The following ZCCHC7 variants were observed in gnomAD, a reference collection of about 807,000 sequenced individuals.
ZCCHC7 encodes the protein zinc finger CCHC domain-containing protein 7.
A neutral mutation model predicts 52.0 loss-of-function variants in ZCCHC7; 35 were observed. The observed-to-expected ratio is 0.67, with a 90% CI of 0.51 to 0.89. ZCCHC7 has a LOEUF of 0.89. Ranked by LOEUF, ZCCHC7 falls within the 40% of genes least tolerant of loss-of-function variation. The pLI is 0.00. For missense variants in ZCCHC7, 574 were observed against 649.1 expected (o/e 0.88, Z 1.26); for synonymous variants, 217 against 221.5 (o/e 0.98, Z 0.18).
At chr9:37,127,430 G>T (rs1176221561) in intron 2 of ZCCHC7, among the ~76,000 whole-genome samples, 1 of 152,124 alleles carries the variant, frequency 6.6e-6, no homozygotes, top group Non-Finnish European at 1.5e-5. Flanking sequence ...AGGATTTTAG[G>T]TACTCCACAG....
chr9:37,134,918 G>T (rs538458087), intron 2 of ZCCHC7, among the ~76,000 whole-genome samples: 3 of 151,870 alleles, frequency 2.0e-5, no homozygotes, highest in African/African-American at 7.3e-5. Context: ...TAGAGATGGG[G>T]GTTTCTCCAT....
chr9:37,356,963 A>C lies in ZCCHC7; in HGVS notation c.1327A>C (p.Asn443His), dbSNP rs765083393. The C allele has an allele frequency of 6.2e-7, 1 of 1,613,900 alleles. No individual in the cohort carries two copies. Among genetic ancestry groups the C allele is most frequent in the South Asian group, 1.1e-5 (1 of 91,062 alleles). Residue 443 changes from asparagine to histidine, a missense_variant, in exon 9 of 9, where the codon AAT (asparagine) becomes CAT (histidine). By Grantham distance (68) the Asn-to-His change is moderately conservative (BLOSUM62 1). Around this residue, in one of 3 missense-constraint regions of ZCCHC7, gnomAD observed 168 missense variants for 171.6 expected, o/e 0.98. Transcript: ENST00000336755. ...SWKSNRWPQE[N>H]KETQKEMKNK... is the part of the protein sequence containing the mutation. The stretch of plus-strand genomic sequence containing the variant: ...GAAAAGCAACAGGTGGCCTCAAGAA[A>C]ATAAAGAAACACAAAAAGAAATGAA...
chr9:37,285,833 A>G (rs1486096653), intron 2 of ZCCHC7, among the ~76,000 whole-genome samples: 1 of 152,236 alleles, frequency 6.6e-6, no homozygotes, highest in African/African-American at 2.4e-5. Flanking sequence ...CACAGGTGAT[A>G]GAGATACAAC....
intron 5 of ZCCHC7, among the ~76,000 whole-genome samples, chr9:37,307,368 G>A (rs1290127007): frequency 2.6e-5 from 4 of 151,838 alleles, no homozygotes; most frequent in African/African-American, 4.8e-5. Flanking sequence ...TCTTAATTGC[G>A]TTTCTTACTA....
intron 2 of ZCCHC7, among the ~76,000 whole-genome samples, chr9:37,184,532 A>G (rs563907042): frequency 2.0e-5 from 3 of 152,188 alleles, no homozygotes; most frequent in African/African-American, 7.2e-5. Context: ...TGACACCTCT[A>G]TTTCTGGAAT....
chr9:37,286,767 A>G (rs1421601481), intron 2 of ZCCHC7, among the ~76,000 whole-genome samples: 1 of 150,148 alleles, frequency 6.7e-6, no homozygotes, highest in Non-Finnish European at 1.5e-5. Flanking sequence ...TTTTTTTATT[A>G]ATTTAATCTT....
intron 6 of ZCCHC7, among the ~76,000 whole-genome samples, chr9:37,337,523 G>A (rs2118410456): frequency 6.6e-6 from 1 of 152,022 alleles, no homozygotes; most frequent in South Asian, 2.1e-4. Flanking sequence ...TTGTGGCAGT[G>A]CTTGTTTCAG....
rs554363510 is a variant in ZCCHC7 at position 37,140,165 on chromosome 9, T to C, written c.610+13223T>C. On this transcript the variant is annotated intron_variant, in intron 2 of 8. Coordinates refer to ENST00000336755, the MANE Select transcript of ZCCHC7 (RefSeq NM_032226.3). ...TAATCCTGTACTAGCCAGTTTTTAG[T>C]ATTAAATGGTCTGATTTAACACAAA... Among the ~76,000 whole-genome samples the C allele has an allele frequency of 5.3e-5, 8 of 152,120 alleles. No homozygotes were observed. The South Asian group carries it at 1.0e-3, about 20-fold the overall frequency.
intron 2 of ZCCHC7, among the ~76,000 whole-genome samples, chr9:37,257,426 G>T (rs572329005): frequency 6.6e-6 from 1 of 152,172 alleles, no homozygotes; most frequent in South Asian, 2.1e-4. Flanking sequence ...ACATACTTCA[G>T]TCAAAACAAC....
At chr9:37,287,119 TC>T (rs1462918768) in intron 2 of ZCCHC7, among the ~76,000 whole-genome samples, 1 of 141,252 alleles carries the variant, frequency 7.1e-6, no homozygotes, top group Non-Finnish European at 1.5e-5. Context: ...AACCTCTGCC[TC>T]CCGGGCTCTA....
chr9:37,132,701 A>G (rs545719808), intron 2 of ZCCHC7, among the ~76,000 whole-genome samples: 2 of 152,298 alleles, frequency 1.3e-5, no homozygotes, highest in Non-Finnish European at 2.9e-5. Flanking sequence ...AAATTGTGGA[A>G]TATTTGCATA....
At chr9:37,214,465 T>A (rs1468511207) in intron 2 of ZCCHC7, among the ~76,000 whole-genome samples, 1 of 152,034 alleles carries the variant, frequency 6.6e-6, no homozygotes, top group African/African-American at 2.4e-5. Context: ...TATGTTGTGT[T>A]TTTTAGAAGT....
chr9:37,354,936 A>AT lies in ZCCHC7; in HGVS notation c.1198+112_1198+113insT. ...ATTGGTTAGCATAGAAAGTATTTTTAGTAATTACCAAAGAGACTGGAACTT... is the reference window on the plus strand; with the variant it reads ...ATTGGTTAGCATAGAAAGTATTTTTATGTAATTACCAAAGAGACTGGAACTT... On this transcript the variant is annotated intron_variant, in intron 8 of 8. Transcript: ENST00000336755. This position sits in a 1 kb window ranked among gnomAD's most constrained non-coding sequence, Gnocchi z 4.0. The AT allele has an allele frequency of 1.6e-6, 1 of 632,830 alleles. No homozygotes were observed. The highest frequency in any genetic ancestry group is 2.6e-6 in the Non-Finnish European group (1 of 379,448). 39.2% of individuals were successfully genotyped at this position (632,830 alleles called of 1,614,324 possible).
At chr9:37,311,615 G>A (rs1829604700) in intron 5 of ZCCHC7, among the ~76,000 whole-genome samples, 1 of 152,088 alleles carries the variant, frequency 6.6e-6, no homozygotes, top group Non-Finnish European at 1.5e-5. Context: ...TCACTATGTT[G>A]GCCAGGCTGA....
intron 7 of ZCCHC7, among the ~76,000 whole-genome samples, chr9:37,353,286 G>A (rs1821503224): frequency 6.6e-6 from 1 of 152,220 alleles, no homozygotes. Context: ...GCCAGGCACT[G>A]TGGCTCATGC....
chr9:37,259,734 G>C (rs1826774296), intron 2 of ZCCHC7, among the ~76,000 whole-genome samples: 1 of 151,984 alleles, frequency 6.6e-6, no homozygotes, highest in South Asian at 2.1e-4. Context: ...TATTCTTTCT[G>C]CTATTTCTTG....
chr9:37,329,121 G>GAGCT (rs1830358017), intron 6 of ZCCHC7, among the ~76,000 whole-genome samples: 1 of 151,768 alleles, frequency 6.6e-6, no homozygotes, highest in African/African-American at 2.4e-5. Flanking sequence ...CAAGATGACA[G>GAGCT]AGCTACTCTT....
chr9:37,142,232 T>C (rs1249927687), intron 2 of ZCCHC7, among the ~76,000 whole-genome samples: 1 of 151,768 alleles, frequency 6.6e-6, no homozygotes, highest in African/African-American at 2.4e-5. Flanking sequence ...AAAAAAACCT[T>C]GTAATGTTGA....
chr9:37,329,625 T>C (rs1830378261), intron 6 of ZCCHC7, among the ~76,000 whole-genome samples: 1 of 151,854 alleles, frequency 6.6e-6, no homozygotes, highest in African/African-American at 2.4e-5. Context: ...TATATCAGTG[T>C]CTCTAAAATA....
Sources: gnomAD v4.1 joint callset for allele counts (sites outside exome capture counted in the v4.1 genomes callset) on GRCh38, gnomAD v4.1.1 for gene constraint, gnomAD v4.1.1 regional missense constraint, Gnocchi (gnomAD v3.1) non-coding constraint, MANE v1.5 for transcripts, NCBI Gene and HGNC (gene_info 2026-07-23, HGNC 2026-07-21) for gene names.